PBX1: variants seen among roughly 807,000 people sequenced by gnomAD.
PBX1 encodes the protein pre-B-cell leukemia transcription factor 1.
In PBX1, 6 loss-of-function variants were observed where a neutral mutation model predicts 53.4. The observed-to-expected ratio is 0.11, with a 90% CI of 0.06 to 0.22. The LOEUF (loss-of-function observed/expected upper bound fraction) is 0.22. Among genes scored for constraint, PBX1 ranks in the 10% least tolerant of loss-of-function variants. PBX1 has a pLI of 1.00. For synonymous variants in PBX1, 204 were observed against 212.3 expected, an observed-to-expected ratio of 0.96 and a Z score of 0.34; for missense variants, 251 against 551.4, an observed-to-expected ratio of 0.46 and a Z score of 5.46.
At chr1:164,579,151 G>A (rs1401599333) in intron 2 of PBX1, among the ~76,000 whole-genome samples, 1 of 152,146 alleles carries the variant, frequency 6.6e-6, no homozygotes, top group East Asian at 1.9e-4. Context: ...TGTGCTCCAG[G>A]GTTCTTGCTA....
At chr1:164,622,556 T>G (rs1657752351) in intron 2 of PBX1, among the ~76,000 whole-genome samples, 1 of 152,196 alleles carries the variant, frequency 6.6e-6, no homozygotes, top group Non-Finnish European at 1.5e-5. Context: ...AAGCACTTGA[T>G]GTGCACATGC....
At chr1:164,672,724 T>C (rs1234355235) in intron 2 of PBX1, among the ~76,000 whole-genome samples, 1 of 152,266 alleles carries the variant, frequency 6.6e-6, no homozygotes, top group East Asian at 1.9e-4. Flanking sequence ...CTTTGCATCA[T>C]GTGTGTACAT....
At chr1:164,615,615 C>T (rs911813027) in intron 2 of PBX1, among the ~76,000 whole-genome samples, 4 of 152,088 alleles carry the variant, frequency 2.6e-5, no homozygotes, top group Admixed American at 1.3e-4. Flanking sequence ...AGCCAGCCGC[C>T]GCACCGTTGA....
At chr1:164,792,387 T>G in intron 2 of PBX1, 107 bp from the exon 3 acceptor site, 2 of 1,510,892 alleles carry the variant, frequency 1.3e-6, no homozygotes, top group Non-Finnish European at 1.8e-6. Flanking sequence ...AATGGCATCT[T>G]GCAAGTAACT....
At chr1:164,884,067 G>A (rs1672722808) in intron 2 of PBX1, among the ~76,000 whole-genome samples, 1 of 152,158 alleles carries the variant, frequency 6.6e-6, no homozygotes, top group African/African-American at 2.4e-5. Context: ...CTAACCAGCT[G>A]TGTAACCTTG....
At chr1:164,677,372 G>A (rs537727767) in intron 2 of PBX1, among the ~76,000 whole-genome samples, 117 of 152,010 alleles carry the variant, frequency 7.7e-4, no homozygotes, top group Non-Finnish European at 1.2e-3. Context: ...GATTACAGGC[G>A]TGAGCCACCG....
At chr1:164,610,872 G>A (rs1012116850) in intron 2 of PBX1, among the ~76,000 whole-genome samples, 4 of 152,230 alleles carry the variant, frequency 2.6e-5, no homozygotes, top group African/African-American at 9.6e-5. Flanking sequence ...CAAATTAAAT[G>A]TTTGACCAGC....
At chr1:164,568,216 G>T (rs764753050) in intron 2 of PBX1, among the ~76,000 whole-genome samples, 2 of 152,098 alleles carry the variant, frequency 1.3e-5, no homozygotes, top group Non-Finnish European at 2.9e-5. Context: ...CTTCTTTTGT[G>T]TCATAGGCAT....
chr1:164,609,452 G>T (rs1352523249), intron 2 of PBX1, among the ~76,000 whole-genome samples: 1 of 152,168 alleles, frequency 6.6e-6, no homozygotes, highest in Non-Finnish European at 1.5e-5. Flanking sequence ...TCTGAAAAAT[G>T]TGTAGGCAAA....
At chr1:164,775,898 T>C (rs950108038) in intron 2 of PBX1, among the ~76,000 whole-genome samples, 3 of 152,192 alleles carry the variant, frequency 2.0e-5, no homozygotes, top group African/African-American at 7.2e-5. Flanking sequence ...TGTGGCAGTC[T>C]ACACTGGAGT....
rs572300116 is a variant in PBX1 at position 164,826,765 on chromosome 1, G to A, written c.1200+5139G>A. 1.1e-4 allele frequency among the ~76,000 whole-genome samples: 16 copies of A among 152,236 alleles called. No individual in the cohort carries two copies. The South Asian group carries it at 3.1e-3, about 30-fold the overall frequency. ...AATGAATTTACTCCAGCCAGTCTTT[G>A]ATGTAAATAGATACCCCTGTGGATT... On this transcript the variant is annotated intron_variant, in intron 8 of 8. Transcript: ENST00000420696.
At chr1:164,800,097 C>T (rs1668994197) in intron 4 of PBX1, among the ~76,000 whole-genome samples, 1 of 152,206 alleles carries the variant, frequency 6.6e-6, no homozygotes, top group Non-Finnish European at 1.5e-5. Context: ...ATCTTTATCA[C>T]TACTGTTATG....
At chr1:164,743,937 A>T (rs75701246) in intron 2 of PBX1, among the ~76,000 whole-genome samples, 1 of 152,188 alleles carries the variant, frequency 6.6e-6, no homozygotes, top group African/African-American at 2.4e-5. Context: ...GTAATAATTT[A>T]CCTGGGCATA....
At chr1:164,792,761 C>T (rs762504349) in intron 3 of PBX1, 23 bp downstream of exon 3, 30 of 1,556,588 alleles carry the variant, frequency 1.9e-5, no homozygotes, top group Non-Finnish European at 2.3e-5. Flanking sequence ...ACCTGGGGCT[C>T]GGCACCCAGG....
At chr1:164,735,853 G>A (rs1205518543) in intron 2 of PBX1, among the ~76,000 whole-genome samples, 1 of 152,170 alleles carries the variant, frequency 6.6e-6, no homozygotes, top group Non-Finnish European at 1.5e-5. Flanking sequence ...TCTATGGTGA[G>A]GGAACAGGGA....
chr1:164,596,548 T>A (rs894917228), intron 2 of PBX1, among the ~76,000 whole-genome samples: 2 of 152,266 alleles, frequency 1.3e-5, no homozygotes, highest in Non-Finnish European at 2.9e-5. Context: ...ATATTTTTAC[T>A]GTGTACTTTT....
At chr1:164,724,486 A>C (rs1359705116) in intron 2 of PBX1, among the ~76,000 whole-genome samples, 1 of 152,036 alleles carries the variant, frequency 6.6e-6, no homozygotes, top group Non-Finnish European at 1.5e-5. Flanking sequence ...AGAAAATCAC[A>C]AAAAAATCTT....
chr1:164,734,093 G>T (rs539343006), intron 2 of PBX1, among the ~76,000 whole-genome samples: 5 of 152,312 alleles, frequency 3.3e-5, no homozygotes, highest in African/African-American at 9.6e-5. Flanking sequence ...TTTGCTGACT[G>T]TGATTTTAAT....
intron 2 of PBX1, among the ~76,000 whole-genome samples, chr1:164,707,306 G>C (rs1009281679): frequency 6.6e-6 from 1 of 152,052 alleles, no homozygotes; most frequent in African/African-American, 2.4e-5. Flanking sequence ...GGCCAGGAAG[G>C]AGAGCACTGA....
Sources: allele counts gnomAD v4.1 joint callset (sites outside exome capture counted in the v4.1 genomes callset), GRCh38; gene constraint gnomAD v4.1.1; transcripts MANE v1.5; gene names NCBI Gene and HGNC (gene_info 2026-07-23, HGNC 2026-07-21).